The following MINDY4 variants were observed in gnomAD, a reference collection of about 807,000 sequenced individuals.
The protein encoded by MINDY4 is MINDY lysine 48 deubiquitinase 4, also known as probable ubiquitin carboxyl-terminal hydrolase MINDY-4.
A neutral mutation model predicts 87.0 loss-of-function variants in MINDY4; 68 were observed. That is an observed-to-expected ratio of 0.78 (90% CI 0.64 to 0.96). MINDY4 has a LOEUF of 0.96. Among genes scored for constraint, MINDY4 ranks in the 40% least tolerant of loss-of-function variants. The probability of loss-of-function intolerance (pLI) is 0.00; values close to 1 mark genes in which losing one functional copy is unlikely to be tolerated. For missense variants in MINDY4, 919 were observed against 928.2 expected (o/e 0.99, Z 0.13); for synonymous variants, 379 against 363.2 (o/e 1.04, Z -0.50).
intron 13 of MINDY4, among the ~76,000 whole-genome samples, chr7:30,860,468 ATAAGC>A: frequency 6.6e-6 from 1 of 152,278 alleles, no homozygotes; most frequent in South Asian, 2.1e-4. Flanking sequence ...CATGGAGACC[ATAAGC>A]TGCACCACCT....
At chr7:30,777,194 C>T (rs1454537927) in intron 1 of MINDY4, among the ~76,000 whole-genome samples, 1 of 151,986 alleles carries the variant, frequency 6.6e-6, no homozygotes, top group Non-Finnish European at 1.5e-5. Context: ...TTTTCAAATG[C>T]TGGTGTGCAT....
chr7:30,824,359 A>G (rs996492832), intron 5 of MINDY4, among the ~76,000 whole-genome samples: 1 of 152,208 alleles, frequency 6.6e-6, no homozygotes, highest in Admixed American at 6.5e-5. Flanking sequence ...ATGAGGGCAA[A>G]GCACTCATGA....
At chr7:30,888,080 A>G (rs1790686802) in intron 17 of MINDY4, among the ~76,000 whole-genome samples, 1 of 152,180 alleles carries the variant, frequency 6.6e-6, no homozygotes, top group Non-Finnish European at 1.5e-5. Flanking sequence ...AGGCTCTATC[A>G]GGCACCTTTT....
intron 15 of MINDY4, among the ~76,000 whole-genome samples, chr7:30,877,893 T>G (rs1437660656): frequency 7.4e-6 from 1 of 134,956 alleles, no homozygotes; most frequent in East Asian, 2.4e-4. Flanking sequence ...TTGGCCAGGC[T>G]GGTCTTGAAC....
chr7:30,810,552 C>T (rs1479821067), intron 5 of MINDY4, among the ~76,000 whole-genome samples: 2 of 152,092 alleles, frequency 1.3e-5, no homozygotes, highest in African/African-American at 4.8e-5. Flanking sequence ...AAAGGGGTAT[C>T]ATCCAGTTTT....
Position 30,817,176 on chromosome 7 carries a change from T to C in MINDY4, c.1074-11503T>C, listed in dbSNP as rs557805963. ...GAACTCCCATCCTCTCCCTGGAGCT[T>C]GGTTTCCTTGTCTGTAACACCAAAG... On this transcript the variant is annotated intron_variant, in intron 5 of 17. Coordinates refer to ENST00000265299, the MANE Select transcript of MINDY4 (RefSeq NM_032222.3). Among the ~76,000 whole-genome samples, 57 of 152,228 alleles carry C rather than the reference T, an allele frequency of 3.7e-4. No homozygotes were observed. The South Asian group carries it at 0.012, about 31-fold the overall frequency.
intron 13 of MINDY4, among the ~76,000 whole-genome samples, chr7:30,870,023 C>G (rs1790053969): frequency 6.6e-6 from 1 of 152,198 alleles, no homozygotes; most frequent in African/African-American, 2.4e-5. Context: ...TCTCTTAAAC[C>G]ATAAGCCACT....
At chr7:30,838,918 C>G (rs1788943073) in intron 7 of MINDY4, among the ~76,000 whole-genome samples, 1 of 152,172 alleles carries the variant, frequency 6.6e-6, no homozygotes, top group Non-Finnish European at 1.5e-5. Flanking sequence ...AATTTTGTTT[C>G]TCAAGGCCCC....
At chr7:30,786,682 C>T (rs902668901) in intron 4 of MINDY4, 12 of 144,894 alleles carry the variant, frequency 8.3e-5, no homozygotes, top group Admixed American at 6.1e-4. Flanking sequence ...AAATCTAAAA[C>T]ACAATAGTCA....
intron 3 of MINDY4, among the ~76,000 whole-genome samples, chr7:30,783,533 A>G (rs1425250243): frequency 6.6e-6 from 1 of 152,220 alleles, no homozygotes; most frequent in African/African-American, 2.4e-5. Context: ...GTCATTGCCA[A>G]GGTCTGATTT....
At chr7:30,807,307 C>G (rs562892643) in intron 5 of MINDY4, among the ~76,000 whole-genome samples, 42 of 152,268 alleles carry the variant, frequency 2.8e-4, no homozygotes, top group African/African-American at 9.1e-4. Context: ...GAATCAACCC[C>G]TGGATCTGCC....
chr7:30,861,654 A>G (rs1789770997), intron 13 of MINDY4, among the ~76,000 whole-genome samples: 2 of 152,236 alleles, frequency 1.3e-5, no homozygotes, highest in South Asian at 4.1e-4. Context: ...TTCCTGCCTC[A>G]TAAGATGTAG....
rs17159495 is a variant in MINDY4, at chr7:30,845,213, C to T, written c.1445+4365C>T. ...ACCAAGGGGTGGCTCTGTTCATGAA[C>T]GGCTTCACGGTGGAACCTCCCCTTT... On this transcript the variant is annotated intron_variant, in intron 9 of 17. Transcript: ENST00000265299. 0.01 allele frequency among the ~76,000 whole-genome samples: 1,535 copies of T among 152,248 alleles called. 36 individuals carry two copies. In the East Asian group the frequency reaches 0.1, roughly 10 times the overall value.
chr7:30,835,795 G>A (rs181756829), intron 6 of MINDY4, among the ~76,000 whole-genome samples: 1 of 152,334 alleles, frequency 6.6e-6, no homozygotes, highest in East Asian at 1.9e-4. Context: ...CCATTGCCTT[G>A]GCATTGTTTC....
intron 6 of MINDY4, among the ~76,000 whole-genome samples, chr7:30,829,749 A>G (rs757239475): frequency 4.6e-5 from 7 of 152,236 alleles, no homozygotes; most frequent in Non-Finnish European, 1.0e-4. Flanking sequence ...GCATGGAGTC[A>G]GGAGGTGCTG....
In MINDY4 at chr7:30,882,990, C is replaced by A; in HGVS notation, c.2222C>A (p.Thr741Asn). ...CCACCCCTCGAGCTCTGCATCAGAA[C>A]CAAGTGAGTCAAGCCCCTCTCTGGC... ...LVPPLELCIR[T>N]KWKGASVNWN... The change falls in exon 17 of 18, where the codon ACC (threonine) becomes AAC (asparagine). Residue 741 changes from threonine to asparagine, a missense_variant. Physicochemically the swap from Thr to Asn is moderately conservative, Grantham distance 65. Transcript: ENST00000265299. 1 of 1,613,956 alleles carries A rather than the reference C, an allele frequency of 6.2e-7. No homozygotes were observed. Among genetic ancestry groups the A allele is most frequent in the Non-Finnish European group, 8.5e-7 (1 of 1,179,904 alleles).
At chr7:30,790,926 G>C (rs1787305389) in intron 4 of MINDY4, among the ~76,000 whole-genome samples, 1 of 152,236 alleles carries the variant, frequency 6.6e-6, no homozygotes, top group Non-Finnish European at 1.5e-5. Flanking sequence ...GGCTGCGAGA[G>C]AAAGGCCCAG....
intron 6 of MINDY4, among the ~76,000 whole-genome samples, chr7:30,834,978 A>G (rs1682911798): frequency 6.6e-6 from 1 of 152,204 alleles, no homozygotes; most frequent in Non-Finnish European, 1.5e-5. Context: ...AGGAAGTTTC[A>G]AACTTTCCCA....
intron 8 of MINDY4, 62 bp downstream of exon 8, chr7:30,839,378 G>A (rs959900887): frequency 1.3e-5 from 13 of 1,002,060 alleles, no homozygotes; most frequent in Non-Finnish European, 1.9e-5. Flanking sequence ...AGGGGTGGGT[G>A]TACCTCCCAG....
Sources: allele counts gnomAD v4.1 joint callset (sites outside exome capture counted in the v4.1 genomes callset), GRCh38; gene constraint gnomAD v4.1.1; transcripts MANE v1.5; gene names NCBI Gene and HGNC (gene_info 2026-07-23, HGNC 2026-07-21).